FAF1: variants seen among roughly 807,000 people sequenced by gnomAD.
FAF1 encodes the protein FAS-associated factor 1.
In FAF1, 25 loss-of-function variants were observed where a neutral mutation model predicts 92.5. The ratio of observed to expected loss-of-function variants is 0.27; its 90% CI spans 0.20 to 0.38. FAF1 has a LOEUF of 0.38. Ranked by LOEUF, FAF1 falls within the 10% of genes least tolerant of loss-of-function variation. The pLI is 1.00. For synonymous variants in FAF1, 234 were observed against 273.2 expected (o/e 0.86, Z 1.42); for missense variants, 636 against 793.3 (o/e 0.80, Z 2.38).
At chr1:50,906,311 G>A (rs543890443) in intron 1 of FAF1, among the ~76,000 whole-genome samples, 56 of 152,242 alleles carry the variant, frequency 3.7e-4, no homozygotes, top group Admixed American at 7.9e-4. Flanking sequence ...GTCAGGTAAC[G>A]TGATGCCTCC....
chr1:50,713,458 G>C (rs1162420157), intron 6 of FAF1, among the ~76,000 whole-genome samples: 1 of 151,956 alleles, frequency 6.6e-6, no homozygotes, highest in Non-Finnish European at 1.5e-5. Context: ...ATTTTTAGTA[G>C]AGACGGTGTT....
At chr1:50,592,362 C>T (rs2124065271) in intron 9 of FAF1, among the ~76,000 whole-genome samples, 1 of 152,132 alleles carries the variant, frequency 6.6e-6, no homozygotes, top group African/African-American at 2.4e-5. Context: ...GTCAACAAGG[C>T]CCCCACACTG....
chr1:50,605,081 A>AT (rs948819612), intron 8 of FAF1, among the ~76,000 whole-genome samples: 1 of 152,036 alleles, frequency 6.6e-6, no homozygotes, highest in Non-Finnish European at 1.5e-5. Flanking sequence ...TTATCTTGAG[A>AT]TTTTGGCTAT....
chr1:50,948,092 A>G (rs1455832133), intron 1 of FAF1, among the ~76,000 whole-genome samples: 3 of 152,190 alleles, frequency 2.0e-5, no homozygotes, highest in Admixed American at 2.0e-4. Flanking sequence ...GAAACTATTA[A>G]CCCTAACTGG....
chr1:50,709,278 T>G (rs769153855), intron 6 of FAF1, among the ~76,000 whole-genome samples: 1 of 152,188 alleles, frequency 6.6e-6, no homozygotes, highest in Admixed American at 6.5e-5. Context: ...CCTTCTCTTC[T>G]CCTCTGAATT....
chr1:50,509,053 T>C (rs1647098514), intron 15 of FAF1, among the ~76,000 whole-genome samples: 2 of 152,138 alleles, frequency 1.3e-5, no homozygotes, highest in South Asian at 4.1e-4. Flanking sequence ...GAATTTCACC[T>C]AAAAAAATTA....
intron 13 of FAF1, among the ~76,000 whole-genome samples, chr1:50,551,012 CTT>C (rs772089798): frequency 1.3e-5 from 2 of 152,184 alleles, no homozygotes; most frequent in African/African-American, 2.4e-5. Context: ...ATGACATGTC[CTT>C]TCTCTCCTTT....
chr1:50,630,006 C>T (rs1449228566), intron 8 of FAF1, among the ~76,000 whole-genome samples: 5 of 151,842 alleles, frequency 3.3e-5, no homozygotes, highest in East Asian at 1.9e-4. Flanking sequence ...TGCAGTGAGC[C>T]GAGATCACGC....
chr1:50,451,803 T>C, intron 18 of FAF1: 3 of 988,360 alleles, frequency 3.0e-6, no homozygotes, highest in Non-Finnish European at 3.6e-6. Flanking sequence ...CCAAGTTTAT[T>C]CAGCATTCAT....
intron 18 of FAF1, chr1:50,461,607 T>C (rs1229504777): frequency 6.6e-6 from 1 of 151,932 alleles, no homozygotes; most frequent in Non-Finnish European, 1.5e-5. Flanking sequence ...ATAAATGAGG[T>C]AAAAAATCTC....
At chr1:50,871,486 C>T (rs1644527950) in intron 1 of FAF1, among the ~76,000 whole-genome samples, 2 of 152,192 alleles carry the variant, frequency 1.3e-5, no homozygotes, top group Non-Finnish European at 2.9e-5. Context: ...TCAACTGAAG[C>T]CAATGCTTAT....
intron 7 of FAF1, among the ~76,000 whole-genome samples, chr1:50,668,691 C>T (rs1655739200): frequency 6.6e-6 from 1 of 152,194 alleles, no homozygotes; most frequent in African/African-American, 2.4e-5. Flanking sequence ...TGCTCAAAAG[C>T]TCCATACGAC....
At chr1:50,501,660 CA>C (rs543026675) in intron 15 of FAF1, among the ~76,000 whole-genome samples, 173 of 106,166 alleles carry the variant, frequency 1.6e-3, no homozygotes, top group Middle Eastern at 4.2e-3. Context: ...GACTCCGTCT[CA>C]AAAAAAAAAA....
At chr1:50,607,773 C>T (rs757674859) in intron 8 of FAF1, among the ~76,000 whole-genome samples, 18 of 151,418 alleles carry the variant, frequency 1.2e-4, no homozygotes, top group Non-Finnish European at 1.8e-4. Context: ...TATCCAGTGA[C>T]ACTCGGACAA....
chr1:50,814,013 A>G (rs760975540), intron 2 of FAF1, among the ~76,000 whole-genome samples: 1 of 152,178 alleles, frequency 6.6e-6, no homozygotes, highest in Non-Finnish European at 1.5e-5. Context: ...AGTTATGATA[A>G]ACTTTAATTT....
At position 50,517,679 on chromosome 1, in the gene FAF1, G is replaced by A. The variant is rs557745016; in HGVS notation, c.1494+17690C>T. ...CACCAATGGCTGCAGTCTATATTAG[G>A]AAAGATTGTGCAATCCCAACTGTTG... is the stretch of plus-strand genomic sequence containing the variant. On this transcript the variant is annotated intron_variant, in intron 15 of 18. Coordinates refer to ENST00000396153, the MANE Select transcript of FAF1 (RefSeq NM_007051.3). 2.6e-5 allele frequency among the ~76,000 whole-genome samples: 4 copies of A among 152,280 alleles called. No individual in the cohort carries two copies. In the South Asian group the frequency reaches 8.3e-4, roughly 32 times the overall value.
chr1:50,865,003 C>A (rs1386699515), intron 1 of FAF1, among the ~76,000 whole-genome samples: 1 of 151,922 alleles, frequency 6.6e-6, no homozygotes, highest in Non-Finnish European at 1.5e-5. Context: ...AGAAAAAAAA[C>A]AACCCCATCA....
intron 6 of FAF1, among the ~76,000 whole-genome samples, chr1:50,732,944 TTA>T (rs1658991674): frequency 6.6e-6 from 1 of 152,142 alleles, no homozygotes; most frequent in Non-Finnish European, 1.5e-5. Context: ...ATATTTAGAT[TTA>T]TGTTTTTAAA....
chr1:50,508,610 G>T (rs148167679), intron 15 of FAF1, among the ~76,000 whole-genome samples: 1 of 152,342 alleles, frequency 6.6e-6, no homozygotes, highest in East Asian at 1.9e-4. Flanking sequence ...ACTGCCTAAT[G>T]GGTAGGGGGG....
Sources: allele counts gnomAD v4.1 joint callset (sites outside exome capture counted in the v4.1 genomes callset), GRCh38; gene constraint gnomAD v4.1.1; transcripts MANE v1.5; gene names NCBI Gene and HGNC (gene_info 2026-07-23, HGNC 2026-07-21).